GNAO1: variants seen among roughly 807,000 people sequenced by gnomAD.
GNAO1 encodes G protein subunit alpha o1, also known as guanine nucleotide-binding protein G(o) subunit alpha.
For missense variants in GNAO1, 166 were observed against 478.7 expected (o/e 0.35, Z 6.10); for synonymous variants, 164 against 180.7 (o/e 0.91, Z 0.74).
Position 56,343,996 on chromosome 16 carries a change from C to T in GNAO1, c.723+7136C>T, listed in dbSNP as rs116441240. ...ACCCTTGCCCTGCCTGGCCTGCCGC[C>T]CCCCCTCCCCTGGAACCAGGCTCCA... On this transcript the variant is annotated intron_variant, in intron 6 of 8. Transcript: ENST00000262493. 2.7e-3 allele frequency: 4,358 copies of T among 1,599,784 alleles called. 110 individuals are homozygous for T. In the African/African-American group the frequency reaches 0.049, roughly 18 times the overall value.
At chr16:56,284,458 T>C (rs1036346365) in intron 3 of GNAO1, among the ~76,000 whole-genome samples, 6 of 152,240 alleles carry the variant, frequency 3.9e-5, no homozygotes, top group African/African-American at 1.4e-4. Flanking sequence ...TGGCTTTCCT[T>C]GACCATCATC....
intron 2 of GNAO1, among the ~76,000 whole-genome samples, chr16:56,248,973 C>T (rs1352910587): frequency 1.3e-5 from 2 of 152,140 alleles, no homozygotes; most frequent in African/African-American, 4.8e-5. Context: ...TGAAGTTTCT[C>T]AGGAGAGAGG....
intron 3 of GNAO1, among the ~76,000 whole-genome samples, chr16:56,312,919 G>C (rs1318331450): frequency 6.6e-6 from 1 of 152,184 alleles, no homozygotes; most frequent in Non-Finnish European, 1.5e-5. Context: ...GTCTCAGGCT[G>C]GTGCTTGGAC....
intron 6 of GNAO1, among the ~76,000 whole-genome samples, chr16:56,341,703 G>A (rs1354107457): frequency 4.6e-5 from 7 of 152,212 alleles, no homozygotes; most frequent in Admixed American, 4.6e-4. Flanking sequence ...TGACCATGGG[G>A]TGGGCGGGCA....
chr16:56,289,295 G>A (rs1447204567), intron 3 of GNAO1, among the ~76,000 whole-genome samples: 1 of 152,152 alleles, frequency 6.6e-6, no homozygotes, highest in East Asian at 1.9e-4. Flanking sequence ...GTTTGGAGCC[G>A]GGACCTCTTT....
chr16:56,345,717 C>T, intron 6 of GNAO1: 1 of 985,554 alleles, frequency 1.0e-6, no homozygotes, highest in Non-Finnish European at 1.2e-6. Context: ...CTACCATGGA[C>T]AGCCAGGGCC....
chr16:56,203,283 G>A (rs761669617), intron 2 of GNAO1, among the ~76,000 whole-genome samples: 1 of 152,024 alleles, frequency 6.6e-6, no homozygotes, highest in Non-Finnish European at 1.5e-5. Context: ...CTCAGGCCTT[G>A]CCATTCACAG....
intron 3 of GNAO1, among the ~76,000 whole-genome samples, chr16:56,304,320 G>C (rs1370076322): frequency 1.3e-5 from 2 of 152,218 alleles, no homozygotes; most frequent in Non-Finnish European, 2.9e-5. Context: ...ATCCCAGGCA[G>C]GCAGATTGCA....
chr16:56,236,878 A>C (rs979923712), intron 2 of GNAO1, among the ~76,000 whole-genome samples: 1 of 152,236 alleles, frequency 6.6e-6, no homozygotes, highest in Non-Finnish European at 1.5e-5. Context: ...GCTTTAGCCA[A>C]GGGCCGTGTC....
At chr16:56,204,747 A>C (rs1379817781) in intron 2 of GNAO1, among the ~76,000 whole-genome samples, 2 of 152,162 alleles carry the variant, frequency 1.3e-5, no homozygotes, top group Admixed American at 1.3e-4. Flanking sequence ...AAACTCAAAA[A>C]ATTTTTATGG....
Position 56,354,279 on chromosome 16 carries a change from G to A in GNAO1, c.878-587G>A, listed in dbSNP as rs1196499428. ...GGCGGGGCTTCCGGGTGGATCTGGT[G>A]TGAAAACAGTAAGAGATCTTGCAAA... is the stretch of plus-strand genomic sequence containing the variant. On this transcript the variant is annotated intron_variant, in intron 7 of 8. Coordinates refer to ENST00000262493, the MANE Select transcript of GNAO1 (RefSeq NM_020988.3). This position sits in a 1 kb window ranked among gnomAD's most constrained non-coding sequence, Gnocchi z 4.3. Among the ~76,000 whole-genome samples the A allele has an allele frequency of 2.0e-5, 3 of 152,254 alleles. No homozygotes were observed. The highest frequency in any genetic ancestry group is 7.2e-5 in the African/African-American group (3 of 41,466).
At chr16:56,353,760 C>G (rs576923832) in intron 7 of GNAO1, among the ~76,000 whole-genome samples, 2 of 152,344 alleles carry the variant, frequency 1.3e-5, no homozygotes, top group East Asian at 3.9e-4. Context: ...GTGCTGTGGG[C>G]TTGGCATCTC....
chr16:56,304,677 A>G (rs1453777596), intron 3 of GNAO1, among the ~76,000 whole-genome samples: 2 of 152,198 alleles, frequency 1.3e-5, no homozygotes, highest in African/African-American at 4.8e-5. Flanking sequence ...CAAACCAGGT[A>G]ACTTCTTAGG....
chr16:56,252,603 A>G (rs559305969), intron 2 of GNAO1, among the ~76,000 whole-genome samples: 2 of 152,328 alleles, frequency 1.3e-5, no homozygotes, highest in East Asian at 3.9e-4. Flanking sequence ...TGAGGATGAA[A>G]TGGGGAGGTG....
chr16:56,307,375 G>T (rs2143598539), intron 3 of GNAO1: 1 of 152,364 alleles, frequency 6.6e-6, no homozygotes, highest in Admixed American at 6.5e-5. Context: ...TGCCCCCAGA[G>T]GCTCCTGCAT....
rs144425772 is a variant in GNAO1 at position 56,256,307 on chromosome 16, G to A, written c.162-19624G>A. On this transcript the variant is annotated intron_variant, in intron 2 of 8. Transcript: ENST00000262493. ...AGCCCACTGGTTCAGCCACTTCTTG[G>A]TCTGACCTGGGTCAATCAGGCAAAG... 1.3e-3 allele frequency among the ~76,000 whole-genome samples: 196 copies of A among 152,218 alleles called. No individual in the cohort carries two copies. The East Asian group carries it at 0.023, about 18-fold the overall frequency.
chr16:56,275,820 G>A, intron 2 of GNAO1, 111 bp from the exon 3 acceptor site: 2 of 782,698 alleles, frequency 2.6e-6, no homozygotes, highest in Middle Eastern at 7.1e-4. Flanking sequence ...CAGTAACTCA[G>A]CATCTCGGCT....
intron 2 of GNAO1, among the ~76,000 whole-genome samples, chr16:56,269,329 A>C (rs1247503629): frequency 6.6e-6 from 1 of 152,100 alleles, no homozygotes; most frequent in East Asian, 1.9e-4. Context: ...CCTGACAAGC[A>C]GTGGTCCTCC....
chr16:56,313,468 G>A (rs1392530697), intron 3 of GNAO1, among the ~76,000 whole-genome samples: 1 of 152,020 alleles, frequency 6.6e-6, no homozygotes, highest in Non-Finnish European at 1.5e-5. Flanking sequence ...TTAGTAAGGA[G>A]AATGTCATTG....
Sources: gnomAD v4.1 joint callset for allele counts (sites outside exome capture counted in the v4.1 genomes callset) on GRCh38, gnomAD v4.1.1 for gene constraint, Gnocchi (gnomAD v3.1) non-coding constraint, MANE v1.5 for transcripts, NCBI Gene and HGNC (gene_info 2026-07-23, HGNC 2026-07-21) for gene names.